ADGRV1: variants seen among roughly 807,000 people sequenced by gnomAD.
The protein encoded by ADGRV1 is G-protein coupled receptor 98.
ADGRV1 carries 359 observed loss-of-function variants against 596.2 expected under a neutral mutation model. The observed-to-expected ratio is 0.60, with a 90% CI of 0.55 to 0.66. The LOEUF (loss-of-function observed/expected upper bound fraction) is 0.66. ADGRV1 is among the 30% of genes least tolerant of loss of function. The pLI is 0.00. For synonymous variants in ADGRV1, 2,681 were observed against 2,679.2 expected (o/e 1.00, Z -0.02); for missense variants, 7,274 against 7,575.6 (o/e 0.96, Z 1.48).
intron 85 of ADGRV1, among the ~76,000 whole-genome samples, chr5:91,003,873 T>C (rs1020298327): frequency 6.6e-6 from 1 of 151,888 alleles, no homozygotes; most frequent in Non-Finnish European, 1.5e-5. Context: ...TGAAAGAAAG[T>C]AGGAAAGTAT....
At chr5:90,970,499 A>G (rs1402232797) in intron 84 of ADGRV1, among the ~76,000 whole-genome samples, 1 of 151,506 alleles carries the variant, frequency 6.6e-6, no homozygotes, top group Non-Finnish European at 1.5e-5. Flanking sequence ...GACACCTCAC[A>G]TGGCCGGGTA....
chr5:91,106,837 A>G (rs954851558), intron 87 of ADGRV1, among the ~76,000 whole-genome samples: 1 of 152,250 alleles, frequency 6.6e-6, no homozygotes, highest in Admixed American at 6.5e-5. Context: ...AACTGGGTAC[A>G]GAGATAAGGC....
chr5:90,822,405 C>G (rs1004740019), intron 75 of ADGRV1, among the ~76,000 whole-genome samples: 6 of 152,108 alleles, frequency 3.9e-5, no homozygotes, highest in African/African-American at 4.8e-5. Context: ...AGCTGTAGAC[C>G]GGAGCTGTTC....
intron 85 of ADGRV1, among the ~76,000 whole-genome samples, chr5:91,036,769 A>AAAACTAT (rs1784950315): frequency 6.6e-6 from 1 of 152,172 alleles, no homozygotes; most frequent in African/African-American, 2.4e-5. Flanking sequence ...ACTATGTTAA[A>AAAACTAT]GTAGTGATTA....
chr5:90,745,110 A>G lies in ADGRV1; in HGVS notation c.10614A>G (p.Gln3538=), dbSNP rs182626712. Residue 3538 remains glutamine (Q), a synonymous_variant, in exon 51 of 90, where the codon CAA becomes CAG. Transcript: ENST00000405460. The part of the protein sequence containing the change: ...ALYCWNSERN[Q]FSFVLEVPSA... ...ACTGCTGGAATTCGGAGCGTAATCA[A>G]TTCTCTTTTGTTCTGGAAGTACCTT... 7.5e-5 allele frequency: 121 copies of G among 1,613,798 alleles called. No individual in the cohort carries two copies. The East Asian group carries it at 2.2e-3, about 29-fold the overall frequency.
At chr5:90,636,194 C>T (rs1766186506) in intron 10 of ADGRV1, among the ~76,000 whole-genome samples, 1 of 145,208 alleles carries the variant, frequency 6.9e-6, no homozygotes, top group Non-Finnish European at 1.5e-5. Flanking sequence ...GAATTTTTCT[C>T]TTAGGGATGG....
At position 90,716,578 on chromosome 5, in the gene ADGRV1, C is replaced by T; in HGVS notation, c.9296C>T (p.Ala3099Val). The change falls in exon 43 of 90, where the codon GCA becomes GTA. Residue 3099 changes from alanine (A) to valine (V), a missense_variant. Ala to Val is a moderately conservative substitution (Grantham distance 64). Coordinates refer to ENST00000405460, the MANE Select transcript of ADGRV1 (RefSeq NM_032119.4). The part of the protein sequence containing the change: ...PTALYVQESV[A>V]VLYIVREPAQ... ...GCTCTCTACGTCCAGGAGAGTGTTGCAGTATTGTACATTGTTCGGGAACCT... is the reference window on the plus strand; with the variant it reads ...GCTCTCTACGTCCAGGAGAGTGTTGTAGTATTGTACATTGTTCGGGAACCT... 1 of 1,613,716 alleles carries T rather than the reference C, an allele frequency of 6.2e-7. No homozygotes were observed. The highest frequency in any genetic ancestry group is 8.5e-7 in the Non-Finnish European group (1 of 1,179,750).
intron 10 of ADGRV1, among the ~76,000 whole-genome samples, chr5:90,635,638 G>T (rs889371356): frequency 6.6e-6 from 1 of 151,672 alleles, no homozygotes; most frequent in Non-Finnish European, 1.5e-5. Flanking sequence ...TGTCGCCCAG[G>T]CTGGAGTGCA....
chr5:91,134,214 G>A (rs1303861854), intron 87 of ADGRV1, among the ~76,000 whole-genome samples: 1 of 150,870 alleles, frequency 6.6e-6, no homozygotes, highest in Non-Finnish European at 1.5e-5. Flanking sequence ...TAAAGACAGA[G>A]TCACATTCTG....
At chr5:91,063,830 G>A (rs549984681) in intron 85 of ADGRV1, among the ~76,000 whole-genome samples, 12 of 152,014 alleles carry the variant, frequency 7.9e-5, no homozygotes, top group African/African-American at 2.9e-4. Flanking sequence ...TGAGATTCAG[G>A]AGCTCCATAG....
At chr5:91,111,750 A>T (rs926958946) in intron 87 of ADGRV1, among the ~76,000 whole-genome samples, 4 of 152,162 alleles carry the variant, frequency 2.6e-5, no homozygotes, top group African/African-American at 9.7e-5. Flanking sequence ...TGGAATAAAC[A>T]TGTAGAAGCC....
chr5:90,915,149 A>C (rs928788004), intron 83 of ADGRV1, among the ~76,000 whole-genome samples: 7 of 152,192 alleles, frequency 4.6e-5, no homozygotes. Context: ...GGAATTATTT[A>C]TTACCTAGAA....
At chr5:90,721,199 TATAA>T in intron 45 of ADGRV1, 140 bp downstream of exon 45, 1 of 736,532 alleles carries the variant, frequency 1.4e-6, no homozygotes. Flanking sequence ...TTATTGCATC[TATAA>T]ATATGTGTTG....
intron 21 of ADGRV1, among the ~76,000 whole-genome samples, chr5:90,661,091 T>G (rs560018907): frequency 1.3e-5 from 2 of 152,336 alleles, no homozygotes; most frequent in South Asian, 4.1e-4. Flanking sequence ...TTTTGTTAGA[T>G]CTATAGCCTA....
chr5:90,849,177 TC>T (rs1476761902), intron 79 of ADGRV1, among the ~76,000 whole-genome samples: 2 of 152,156 alleles, frequency 1.3e-5, no homozygotes, highest in African/African-American at 4.8e-5. Flanking sequence ...AATTGTGCTT[TC>T]CCCAATCACA....
chr5:91,022,546 A>G (rs1274207346), intron 85 of ADGRV1, among the ~76,000 whole-genome samples: 1 of 152,114 alleles, frequency 6.6e-6, no homozygotes, highest in African/African-American at 2.4e-5. Flanking sequence ...AAAGAAAAGC[A>G]TCTAGGCAAT....
intron 71 of ADGRV1, 156 bp from the exon 72 acceptor site, chr5:90,805,128 G>T: frequency 2.2e-6 from 1 of 445,100 alleles, no homozygotes; most frequent in Non-Finnish European, 3.8e-6. Context: ...AAATTTTAAA[G>T]TCTGAGATGT....
intron 27 of ADGRV1, 151 bp from the exon 28 acceptor site, chr5:90,683,435 A>G: frequency 1.7e-6 from 1 of 586,188 alleles, no homozygotes; most frequent in Non-Finnish European, 2.9e-6. Flanking sequence ...AAAGATGGAT[A>G]GTATATGACC....
Position 90,745,038 on chromosome 5 carries a change from T to A in ADGRV1, c.10550-8T>A. On this transcript the variant is annotated splice_polypyrimidine_tract_variant and splice_region_variant and intron_variant, in intron 50 of 89. Transcript: ENST00000405460. Reference sequence around the variant, plus strand: ...TCACTCAAGTTGTTTTTTCTTTCCTTCCTGCAGCCCACATACTTCTTATTG... The same window carrying A: ...TCACTCAAGTTGTTTTTTCTTTCCTACCTGCAGCCCACATACTTCTTATTG... The A allele has an allele frequency of 6.2e-7, 1 of 1,609,486 alleles. No individual in the cohort carries two copies. Among genetic ancestry groups the A allele is most frequent in the South Asian group, 1.1e-5 (1 of 90,710 alleles).
Sources: gnomAD v4.1 joint callset for allele counts (sites outside exome capture counted in the v4.1 genomes callset) on GRCh38, gnomAD v4.1.1 for gene constraint, MANE v1.5 for transcripts, NCBI Gene and HGNC (gene_info 2026-07-23, HGNC 2026-07-21) for gene names.